The following GCKR variants were observed in gnomAD, a reference collection of about 807,000 sequenced individuals.
The protein encoded by GCKR is glucokinase regulatory protein.
Under a neutral mutation model 82.9 loss-of-function variants are expected in GCKR, and 73 were observed. The observed-to-expected ratio is 0.88, with a 90% CI of 0.73 to 1.07. The LOEUF (loss-of-function observed/expected upper bound fraction) is 1.07. GCKR is among the 50% of genes least tolerant of loss of function. The pLI, the probability that GCKR is intolerant of heterozygous loss-of-function variation, is 0.00. For synonymous variants in GCKR, 294 were observed against 291.8 expected, an observed-to-expected ratio of 1.01 and a Z score of -0.08; for missense variants, 784 against 782.1, an observed-to-expected ratio of 1.00 and a Z score of -0.03.
intron 13 of GCKR, 66 bp downstream of exon 13, chr2:27,507,377 G>A (rs1395092731): frequency 6.8e-6 from 7 of 1,025,952 alleles, no homozygotes; most frequent in Non-Finnish European, 1.1e-5. Flanking sequence ...GGAAGAAAAG[G>A]GGAAGGCGGA....
At chr2:27,515,237 C>G (rs1669975143) in intron 16 of GCKR, among the ~76,000 whole-genome samples, 1 of 151,828 alleles carries the variant, frequency 6.6e-6, no homozygotes, top group South Asian at 2.1e-4. Flanking sequence ...GTCGGCCTCC[C>G]AAAGTGCTGA....
Position 27,510,401 on chromosome 2 carries a change from A to G in GCKR, c.1422+2150A>G, listed in dbSNP as rs113207271. Among the ~76,000 whole-genome samples the G allele has an allele frequency of 3.8e-3, 585 of 152,310 alleles. 6 individuals are homozygous for G. Among genetic ancestry groups the G allele is most frequent in the African/African-American group, 0.014 (568 of 41,562 alleles). Reference sequence around the variant, plus strand: ...GATTATCAGACACAGAGACAACTTCAATATTATGGTTTTTATTAAAGTGCT... The same window carrying G: ...GATTATCAGACACAGAGACAACTTCGATATTATGGTTTTTATTAAAGTGCT... On this transcript the variant is annotated intron_variant, in intron 16 of 18. Transcript: ENST00000264717.
Position 27,496,893 on chromosome 2 carries a change from C to A in GCKR, c.-12C>A. ...AGAGGCAGGAGGAACAGTGTATCCA[C>A]AGCGTGGGACCATGCCAGGCACAAA... On this transcript the variant is annotated 5_prime_UTR_variant, in exon 1 of 19. Transcript: ENST00000264717. 6.2e-7 allele frequency: 1 copy of A among 1,611,570 alleles called. No homozygotes were observed. Among genetic ancestry groups the A allele is most frequent in the East Asian group, 2.2e-5 (1 of 44,880 alleles).
At position 27,508,200 on chromosome 2, in the gene GCKR, C is replaced by T. The variant is rs1669797397; in HGVS notation, c.1371C>T (p.Ile457=). The change falls in exon 16 of 19, where the codon ATC becomes ATT. Residue 457 remains isoleucine, a synonymous_variant. Transcript: ENST00000264717. ...TGAAGAAGCTCTTTCCCTCCATCAT[C>T]AGCATCACATGGCCACTGCTTTTCT... ...IPLKKLFPSI[I]SITWPLLFFE... is the part of the protein sequence containing the mutation. The T allele has an allele frequency of 6.2e-7, 1 of 1,612,496 alleles. No individual in the cohort carries two copies. Among genetic ancestry groups the T allele is most frequent in the Admixed American group, 1.7e-5 (1 of 60,022 alleles).
intron 5 of GCKR, 91 bp downstream of exon 5, chr2:27,498,888 T>TAAA: frequency 1.2e-6 from 1 of 840,366 alleles, no homozygotes; most frequent in Non-Finnish European, 2.1e-6. Flanking sequence ...AGATTGTGTC[T>TAAA]GGCTTGTCTT....
At chr2:27,515,455 A>G (rs910154512) in intron 16 of GCKR, among the ~76,000 whole-genome samples, 6 of 137,148 alleles carry the variant, frequency 4.4e-5, no homozygotes, top group African/African-American at 1.6e-4. Context: ...TTGTTTCACC[A>G]TGTTGGCCAG....
At chr2:27,497,104 C>T in intron 1 of GCKR, 140 bp downstream of exon 1, 2 of 1,231,200 alleles carry the variant, frequency 1.6e-6, no homozygotes, top group South Asian at 2.4e-5. Context: ...GCACCAAGTG[C>T]AGGCTGAGTT....
At chr2:27,501,667 C>A (rs1029473125) in intron 8 of GCKR, 13 of 465,340 alleles carry the variant, frequency 2.8e-5, no homozygotes, top group Admixed American at 1.4e-4. Flanking sequence ...TTATTTAGTG[C>A]CCATTCTCTC....
chr2:27,507,540 C>A (rs916379202), intron 13 of GCKR, 141 bp from the exon 14 acceptor site: 15 of 697,596 alleles, frequency 2.2e-5, no homozygotes, highest in Middle Eastern at 3.8e-4. Flanking sequence ...TAATCTTGGG[C>A]AAAACACTGT....
intron 16 of GCKR, among the ~76,000 whole-genome samples, chr2:27,513,895 CTTA>C (rs969236358): frequency 5.4e-5 from 8 of 148,734 alleles, no homozygotes; most frequent in East Asian, 2.0e-4. Flanking sequence ...CTCATTATTA[CTTA>C]TTATTTGCAT....
chr2:27,509,488 C>G (rs1669827351), intron 16 of GCKR: 1 of 433,614 alleles, frequency 2.3e-6, no homozygotes, highest in African/African-American at 2.0e-5. Context: ...CACAGGCACT[C>G]ACCACCATGA....
chr2:27,499,185 C>A lies in GCKR; in HGVS notation c.472C>A (p.His158Asn), dbSNP rs763708498. The change falls in exon 6 of 19, where the codon CAC (histidine) becomes AAC (asparagine). Residue 158 changes from histidine to asparagine, a missense_variant. Physicochemically the swap from His to Asn is moderately conservative, Grantham distance 68. Transcript: ENST00000264717. ...GGAGGGGACAGAAGATAGTGCCTTG[C>A]ACGGGATTGAGGAACTGAAGAAGGT... ...SREGTEDSAL[H>N]GIEELKKVAA... 1 of 1,611,098 alleles carries A rather than the reference C, an allele frequency of 6.2e-7. No individual in the cohort carries two copies. Among genetic ancestry groups the A allele is most frequent in the South Asian group, 1.1e-5 (1 of 91,020 alleles).
At chr2:27,516,819 T>G (rs1434989829) in intron 16 of GCKR, among the ~76,000 whole-genome samples, 1 of 152,194 alleles carries the variant, frequency 6.6e-6, no homozygotes, top group African/African-American at 2.4e-5. Context: ...ACTGCATACT[T>G]ACTGGCCAGT....
chr2:27,518,959 G>A, intron 17 of GCKR, 22 bp downstream of exon 17: 9 of 857,750 alleles, frequency 1.0e-5, no homozygotes, highest in Non-Finnish European at 1.5e-5. Context: ...ATGGGGCAGG[G>A]TTGGGTGGGA....
chr2:27,501,833 A>G (rs773321843), intron 8 of GCKR: 3 of 468,706 alleles, frequency 6.4e-6, no homozygotes, highest in East Asian at 1.4e-4. Context: ...TTAAACCAGT[A>G]GTGCTCAGAT....
intron 16 of GCKR, among the ~76,000 whole-genome samples, chr2:27,515,903 A>G (rs1669993602): frequency 6.6e-6 from 1 of 150,598 alleles, no homozygotes; most frequent in South Asian, 2.1e-4. Context: ...AGCTGGGACT[A>G]CAGGCACATG....
chr2:27,506,508 T>A lies in GCKR; in HGVS notation c.897T>A (p.Phe299Leu). ...QRCLLEILRT[F>L]ERAHQVTYSQ... The stretch of plus-strand genomic sequence containing the variant: ...GCCTCCTGGAAATCTTGCGGACATT[T>A]GAGCGAGCTCATCAGGTGACCTACA... Residue 299 changes from phenylalanine (F) to leucine (L), a missense_variant, in exon 11 of 19, where the codon TTT becomes TTA. Coordinates refer to ENST00000264717, the MANE Select transcript of GCKR (RefSeq NM_001486.4). 6.2e-7 allele frequency: 1 copy of A among 1,613,962 alleles called. No individual in the cohort carries two copies. The highest frequency in any genetic ancestry group is 8.5e-7 in the Non-Finnish European group (1 of 1,179,838).
chr2:27,499,372 T>C, intron 6 of GCKR, 25 bp from the exon 7 acceptor site: 1 of 1,589,706 alleles, frequency 6.3e-7, no homozygotes, highest in Non-Finnish European at 8.6e-7. Context: ...CCAGTTACAC[T>C]ACCTTGTCCA....
chr2:27,507,755 G>T lies in GCKR; in HGVS notation c.1218G>T (p.Val406=). The change falls in exon 14 of 19, where the codon GTG becomes GTT. Residue 406 remains valine, a synonymous_variant. Coordinates refer to ENST00000264717, the MANE Select transcript of GCKR (RefSeq NM_001486.4). ...ILPSLTEIDT[V]VFIFTLDDNL... is the part of the protein sequence containing the mutation. Reference sequence around the variant, plus strand: ...CCTCTCTCACGGAAATCGATACTGTGGTCTTCATTTTCACCCTGGATGGTG... The same window carrying T: ...CCTCTCTCACGGAAATCGATACTGTTGTCTTCATTTTCACCCTGGATGGTG... 2 of 1,598,538 alleles carry T rather than the reference G, an allele frequency of 1.3e-6. No individual in the cohort carries two copies. Among genetic ancestry groups the T allele is most frequent in the Non-Finnish European group, 1.7e-6 (2 of 1,165,820 alleles).
Sources: gnomAD v4.1 joint callset for allele counts (sites outside exome capture counted in the v4.1 genomes callset) on GRCh38, gnomAD v4.1.1 for gene constraint, MANE v1.5 for transcripts, NCBI Gene and HGNC (gene_info 2026-07-23, HGNC 2026-07-21) for gene names.